COLEC10: variants seen among roughly 807,000 people sequenced by gnomAD.
The protein encoded by COLEC10 is collectin subfamily member 10.
Under a neutral mutation model 28.4 loss-of-function variants are expected in COLEC10, and 22 were observed. The ratio of observed to expected loss-of-function variants is 0.78; its 90% confidence interval spans 0.55 to 1.11. The LOEUF is 1.11. COLEC10 is among the 50% of genes least tolerant of loss of function. COLEC10 has a pLI of 0.00. For synonymous variants in COLEC10, 125 were observed against 116.1 expected (o/e 1.08, Z -0.49); for missense variants, 361 against 344.1 (o/e 1.05, Z -0.39).
At chr8:119,031,343 C>T (rs367740939) in intron 2 of COLEC10, among the ~76,000 whole-genome samples, 1 of 152,026 alleles carries the variant, frequency 6.6e-6, no homozygotes, top group African/African-American at 2.4e-5. Context: ...ATGACAATTA[C>T]AGGAGGAAAG....
At chr8:118,967,818 T>C in the COLEC10 span, among the ~76,000 whole-genome samples, 2 of 152,130 alleles carry the variant, frequency 1.3e-5, no homozygotes, top group Non-Finnish European at 2.9e-5. Flanking sequence ...TCATTAATCA[T>C]ATTAGCATTG....
intron 1 of COLEC10, among the ~76,000 whole-genome samples, chr8:119,080,076 G>A (rs1425577594): frequency 6.6e-6 from 1 of 152,104 alleles, no homozygotes; most frequent in Non-Finnish European, 1.5e-5. Flanking sequence ...TGGGGAGAAA[G>A]CAACACAGGA....
chr8:119,065,589 G>T (rs1814938422), upstream of COLEC10, among the ~76,000 whole-genome samples: 1 of 152,050 alleles, frequency 6.6e-6, no homozygotes, highest in Admixed American at 6.6e-5. Flanking sequence ...AGGCATGGTG[G>T]CTCACACCTG....
chr8:119,067,333 C>G lies in COLEC10; in HGVS notation c.52C>G (p.Leu18Val), dbSNP rs1489243708. 1.2e-6 allele frequency: 2 copies of G among 1,614,038 alleles called. No homozygotes were observed. Among genetic ancestry groups the G allele is most frequent in the Admixed American group, 3.3e-5 (2 of 60,010 alleles). The change falls in exon 1 of 6, where the codon CTA becomes GTA. Residue 18 changes from leucine (L) to valine (V), a missense_variant. Leu to Val is a conservative substitution (Grantham distance 32). Coordinates refer to ENST00000332843, the MANE Select transcript of COLEC10 (RefSeq NM_006438.5). ...LRRNQFILLV[L>V]FLLQIQSLGL... ...AAGAAACCAATTTATCCTCCTGGTACTATTTCTTTTGCAAATTCAGAGTCT... is the reference window on the plus strand; with the variant it reads ...AAGAAACCAATTTATCCTCCTGGTAGTATTTCTTTTGCAAATTCAGAGTCT...
intron 2 of COLEC10, among the ~76,000 whole-genome samples, chr8:119,040,362 G>A (rs1302264240): frequency 6.6e-6 from 1 of 152,126 alleles, no homozygotes; most frequent in Non-Finnish European, 1.5e-5. Context: ...GAGAGAAATG[G>A]ATTTTCTCAA....
rs11987106 is a variant in COLEC10, at chr8:119,105,782, C to G, written c.443-18C>G. ...CTTTTTGAGATACGTAATGATACTCCTTTTTCTCTCCCTGCAGTGATAGCA... is the reference window on the plus strand; with the variant it reads ...CTTTTTGAGATACGTAATGATACTCGTTTTTCTCTCCCTGCAGTGATAGCA... On this transcript the variant is annotated intron_variant, in intron 5 of 5. Transcript: ENST00000332843. The G allele has an allele frequency of 6.3e-7, 1 of 1,585,530 alleles. No homozygotes were observed.
intron 2 of COLEC10, among the ~76,000 whole-genome samples, chr8:119,053,197 A>AG (rs1182847267): frequency 6.6e-6 from 1 of 152,102 alleles, no homozygotes; most frequent in Non-Finnish European, 1.5e-5. Context: ...AAACCGTAAA[A>AG]GGGGGGACTA....
intron 2 of COLEC10, among the ~76,000 whole-genome samples, chr8:119,025,985 T>G (rs1257539595): frequency 2.0e-5 from 3 of 152,188 alleles, no homozygotes; most frequent in South Asian, 4.1e-4. Context: ...TTGAACTCTT[T>G]TTAGTTTTCT....
chr8:118,969,613 A>C, the COLEC10 span, among the ~76,000 whole-genome samples: 1 of 151,792 alleles, frequency 6.6e-6, no homozygotes, highest in African/African-American at 2.4e-5. Flanking sequence ...GGTGAATTCT[A>C]ATTGTGGTAC....
At chr8:118,961,354 T>G in the COLEC10 span, among the ~76,000 whole-genome samples, 8 of 152,346 alleles carry the variant, frequency 5.3e-5, no homozygotes, top group South Asian at 1.7e-3. Context: ...CATTATTTAT[T>G]TGACAGTAAG....
At chr8:119,034,650 A>G (rs192707023) in intron 2 of COLEC10, among the ~76,000 whole-genome samples, 127 of 152,316 alleles carry the variant, frequency 8.3e-4, no homozygotes, top group Non-Finnish European at 1.4e-3. Context: ...CGGAGGTTGC[A>G]GTGAGCCAAG....
chr8:119,018,749 G>C (rs1304210233), intron 2 of COLEC10, among the ~76,000 whole-genome samples: 1 of 152,132 alleles, frequency 6.6e-6, no homozygotes, highest in East Asian at 1.9e-4. Flanking sequence ...AACATTACTG[G>C]AAGTAAAGAA....
At chr8:119,105,749 C>G in intron 5 of COLEC10, 51 bp from the exon 6 acceptor site, 1 of 1,477,230 alleles carries the variant, frequency 6.8e-7, no homozygotes, top group Middle Eastern at 1.9e-4. Flanking sequence ...AATTTTGTTG[C>G]CTTTTATCTT....
chr8:119,046,339 C>T (rs1227793511), intron 2 of COLEC10, among the ~76,000 whole-genome samples: 1 of 152,136 alleles, frequency 6.6e-6, no homozygotes, highest in Non-Finnish European at 1.5e-5. Context: ...ACGTGTGTCA[C>T]TCATCTTTGT....
rs577709354 is a variant in COLEC10 at position 119,086,224 on chromosome 8, G to A, written c.149-3456G>A. Among the ~76,000 whole-genome samples, 3 of 152,192 alleles carry A rather than the reference G, an allele frequency of 2.0e-5. No homozygotes were observed. In the South Asian group the frequency reaches 6.2e-4, roughly 32 times the overall value. On this transcript the variant is annotated intron_variant, in intron 1 of 5. Transcript: ENST00000332843. Reference sequence around the variant, plus strand: ...GGCTTGGGGAGTGGGTGTGAGCAAAGCAAATAATTTTTGTAAAATTGAAAT... The same window carrying A: ...GGCTTGGGGAGTGGGTGTGAGCAAAACAAATAATTTTTGTAAAATTGAAAT...
chr8:118,955,026 G>A, the COLEC10 span, among the ~76,000 whole-genome samples: 8 of 152,208 alleles, frequency 5.3e-5, no homozygotes, highest in South Asian at 1.0e-3. Context: ...TGGAAATACC[G>A]GTTCTGGTTA....
At chr8:118,992,548 T>C (rs1813520002), upstream of COLEC10, among the ~76,000 whole-genome samples, 1 of 152,158 alleles carries the variant, frequency 6.6e-6, no homozygotes, top group East Asian at 1.9e-4. Context: ...CTTCTCCAGA[T>C]AAAGAACTCG....
At chr8:119,018,971 C>G (rs116813545) in intron 2 of COLEC10, among the ~76,000 whole-genome samples, 2,208 of 152,192 alleles carry the variant, frequency 0.015, 50 homozygotes, top group African/African-American at 0.051. Context: ...ATGCTCGAAG[C>G]CTTTTTGTCA....
At chr8:119,067,739 C>T (rs1172575666) in intron 1 of COLEC10, 1 of 244,564 alleles carries the variant, frequency 4.1e-6, no homozygotes, top group African/African-American at 2.2e-5. Flanking sequence ...AGGCATGAGT[C>T]TCCAGAAGCC....
Sources: allele counts gnomAD v4.1 joint callset (sites outside exome capture counted in the v4.1 genomes callset), GRCh38; gene constraint gnomAD v4.1.1; transcripts MANE v1.5; gene names NCBI Gene and HGNC (gene_info 2026-07-23, HGNC 2026-07-21).